Variants in SORCS3 observed in about 807,000 individuals in gnomAD.
The protein encoded by SORCS3 is sortilin related VPS10 domain containing receptor 3, also known as VPS10 domain-containing receptor SorCS3.
In SORCS3, 57 loss-of-function variants were observed where a neutral mutation model predicts 146.3. That is an observed-to-expected ratio of 0.39 (90% CI 0.31 to 0.49). SORCS3 has a LOEUF of 0.49. SORCS3 is among the 20% of genes least tolerant of loss of function. SORCS3 has a pLI of 0.92. For synonymous variants in SORCS3, 653 were observed against 618.5 expected (o/e 1.06, Z -0.83); for missense variants, 1,341 against 1,575.5 (o/e 0.85, Z 2.52).
chr10:105,067,791 T>C (rs1041770705), intron 5 of SORCS3, among the ~76,000 whole-genome samples: 1 of 152,174 alleles, frequency 6.6e-6, no homozygotes, highest in Non-Finnish European at 1.5e-5. Context: ...CACGGTTGTC[T>C]ACTTCCTTCA....
At position 105,178,145 on chromosome 10, in the gene SORCS3, G is replaced by A; in HGVS notation, c.1981G>A (p.Glu661Lys). Reference sequence around the variant, plus strand: ...TCTCTTTGTTGACGGGGCTCTGGTGGAGGCAGGAATGGAGACCCACATCAT... The same window carrying A: ...TCTCTTTGTTGACGGGGCTCTGGTGAAGGCAGGAATGGAGACCCACATCAT... ...VPLFVDGALV[E>K]AGMETHIMTV... is the part of the protein sequence containing the mutation. The change falls in exon 14 of 27, where the codon GAG (glutamate) becomes AAG (lysine). Residue 661 changes from glutamate (E) to lysine (K), a missense_variant. Physicochemically the swap from Glu to Lys is moderately conservative, Grantham distance 56 (BLOSUM62 1). Transcript: ENST00000369701. The A allele has an allele frequency of 6.2e-7, 1 of 1,613,542 alleles. No individual in the cohort carries two copies. The highest frequency in any genetic ancestry group is 8.5e-7 in the Non-Finnish European group (1 of 1,179,684).
intron 1 of SORCS3, among the ~76,000 whole-genome samples, chr10:104,757,866 C>G (rs993874734): frequency 1.5e-4 from 2 of 13,418 alleles, no homozygotes. Flanking sequence ...CACCCCCCCC[C>G]CCACACCCGC....
chr10:104,711,475 G>A (rs762599765), intron 1 of SORCS3, among the ~76,000 whole-genome samples: 10 of 152,318 alleles, frequency 6.6e-5, no homozygotes, highest in African/African-American at 2.4e-4. Context: ...ACATAGTTGG[G>A]CAGCTGCAGA....
chr10:104,736,243 G>A (rs2133456299), intron 1 of SORCS3, among the ~76,000 whole-genome samples: 1 of 152,296 alleles, frequency 6.6e-6, no homozygotes, highest in Admixed American at 6.5e-5. Flanking sequence ...TGCCCTCCGT[G>A]AGACCCTCTT....
chr10:105,003,998 C>CTTTTTTTTTTTTTTTTTTTTT lies in SORCS3; in HGVS notation c.954+26506_954+26507insTTTTTTTTTTTTTTTTTTTTT, dbSNP rs35604992. ...TTCCCCTCCTTTTTTTCTCTTCTCTCTCTTTTTTTTTTTTTTACCAGAGAA... is the reference window on the plus strand; with the variant it reads ...TTCCCCTCCTTTTTTTCTCTTCTCTCTTTTTTTTTTTTTTTTTTTTTTCTTTTTTTTTTTTTTACCAGAGAA... On this transcript the variant is annotated intron_variant, in intron 4 of 26. Coordinates refer to ENST00000369701, the MANE Select transcript of SORCS3 (RefSeq NM_014978.3). 3.5e-3 allele frequency among the ~76,000 whole-genome samples: 481 copies of CTTTTTTTTTTTTTTTTTTTTT among 135,896 alleles called. 24 individuals carry two copies. Among genetic ancestry groups the CTTTTTTTTTTTTTTTTTTTTT allele is most frequent in the Non-Finnish European group, 4.8e-3 (308 of 64,266 alleles). The allele number at this position is 135,896 out of a possible 152,430, so 89.2% of individuals were successfully genotyped here. A position where few individuals can be genotyped will look rare whatever the true frequency, so the allele number is the denominator to read the frequency against.
At chr10:104,922,472 C>T (rs1010219474) in intron 3 of SORCS3, among the ~76,000 whole-genome samples, 3 of 152,040 alleles carry the variant, frequency 2.0e-5, no homozygotes, top group Non-Finnish European at 4.4e-5. Context: ...ATGCAGGGGC[C>T]AGAAGATAAT....
intron 4 of SORCS3, 149 bp from the exon 5 acceptor site, chr10:105,042,906 G>C (rs75302711): frequency 1.5e-6 from 1 of 666,356 alleles, no homozygotes; most frequent in Non-Finnish European, 2.7e-6. Context: ...ATGATAAGCA[G>C]TCATATTCCT....
chr10:104,678,463 G>C (rs11192156), intron 1 of SORCS3, among the ~76,000 whole-genome samples: 1 of 152,134 alleles, frequency 6.6e-6, no homozygotes, highest in Non-Finnish European at 1.5e-5. Flanking sequence ...AAATCCCTAG[G>C]TTCAGAGTTT....
chr10:104,771,660 CT>C (rs1326489333), intron 1 of SORCS3, among the ~76,000 whole-genome samples: 1 of 152,128 alleles, frequency 6.6e-6, no homozygotes, highest in Non-Finnish European at 1.5e-5. Flanking sequence ...AAATATCCTA[CT>C]TCTCAGATAG....
chr10:105,218,146 G>A (rs576431936), intron 19 of SORCS3, among the ~76,000 whole-genome samples: 4 of 152,228 alleles, frequency 2.6e-5, no homozygotes, highest in Non-Finnish European at 4.4e-5. Flanking sequence ...TCACAATGCC[G>A]GTAAAGGGAC....
rs368112290 is a variant in SORCS3, at chr10:104,911,181, G to A, written c.696-4652G>A. On this transcript the variant is annotated intron_variant, in intron 2 of 26. Transcript: ENST00000369701. ...TTGCCCCTCACCCCAGGCCAAGTGG[G>A]CCCACAGAATGCTGTGGTCAGGGCA... 7.7e-4 allele frequency among the ~76,000 whole-genome samples: 117 copies of A among 152,358 alleles called. No individual in the cohort carries two copies. In the South Asian group the frequency reaches 0.021, roughly 27 times the overall value.
At chr10:105,006,848 C>T (rs1272120610) in intron 4 of SORCS3, among the ~76,000 whole-genome samples, 4 of 152,164 alleles carry the variant, frequency 2.6e-5, no homozygotes, top group Non-Finnish European at 4.4e-5. Flanking sequence ...CAACAGGCAC[C>T]CCTTATCCTG....
intron 14 of SORCS3, among the ~76,000 whole-genome samples, chr10:105,183,202 C>G (rs1297540112): frequency 1.3e-5 from 2 of 152,128 alleles, no homozygotes; most frequent in African/African-American, 2.4e-5. Context: ...GCTACAGATA[C>G]CTTTGGCTAG....
chr10:105,249,514 C>T (rs1413991721), intron 22 of SORCS3, among the ~76,000 whole-genome samples: 1 of 152,134 alleles, frequency 6.6e-6, no homozygotes, highest in Non-Finnish European at 1.5e-5. Context: ...GACATAGGAG[C>T]ATTGCTGTAT....
chr10:105,172,603 A>C (rs2056369301), intron 13 of SORCS3, among the ~76,000 whole-genome samples: 1 of 152,236 alleles, frequency 6.6e-6, no homozygotes, highest in Non-Finnish European at 1.5e-5. Flanking sequence ...ATTTACAAAA[A>C]TTAAGATGCA....
intron 1 of SORCS3, among the ~76,000 whole-genome samples, chr10:104,785,221 A>T (rs1480006790): frequency 6.7e-6 from 1 of 150,106 alleles, no homozygotes; most frequent in African/African-American, 2.5e-5. Flanking sequence ...GAGACTTTTC[A>T]TTTTGTTCTG....
chr10:104,751,604 G>C (rs1396907369), intron 1 of SORCS3, among the ~76,000 whole-genome samples: 1 of 152,124 alleles, frequency 6.6e-6, no homozygotes, highest in African/African-American at 2.4e-5. Context: ...AAAGCTTGCT[G>C]TGCATCTGGG....
chr10:104,832,424 T>C (rs748922147), intron 1 of SORCS3, among the ~76,000 whole-genome samples: 3 of 152,072 alleles, frequency 2.0e-5, no homozygotes, highest in Non-Finnish European at 4.4e-5. Flanking sequence ...TCCAGTTCAA[T>C]AGAACAGGTG....
At chr10:104,824,376 G>A (rs1333427332) in intron 1 of SORCS3, among the ~76,000 whole-genome samples, 1 of 152,192 alleles carries the variant, frequency 6.6e-6, no homozygotes, top group Non-Finnish European at 1.5e-5. Context: ...AGTTGTATAA[G>A]CATGTATCTC....
Sources: gnomAD v4.1 joint callset for allele counts (sites outside exome capture counted in the v4.1 genomes callset) on GRCh38, gnomAD v4.1.1 for gene constraint, MANE v1.5 for transcripts, NCBI Gene and HGNC (gene_info 2026-07-23, HGNC 2026-07-21) for gene names.